DMD: variants seen among roughly 807,000 people sequenced by gnomAD.
DMD encodes mutant dystrophin.
A neutral mutation model predicts 330.1 loss-of-function variants in DMD; 63 were observed. The ratio of observed to expected loss-of-function variants is 0.19; its 90% CI spans 0.16 to 0.24. The LOEUF is 0.24. DMD is among the 10% of genes least tolerant of loss of function. The pLI is 1.00. For missense variants in DMD, 3,344 were observed against 2,684.1 expected (o/e 1.25, Z -5.43); for synonymous variants, 1,223 against 959.8 (o/e 1.27, Z -5.07).
chrX:33,178,681 G>C (rs773091180), intron 1 of DMD, among the ~76,000 whole-genome samples: 1 of 112,259 alleles, frequency 8.9e-6, no homozygotes, highest in Non-Finnish European at 1.9e-5. Context: ...TAATGCAAAC[G>C]TGTGGAATAG....
chrX:32,085,589 CAT>C (rs1212212689), intron 44 of DMD, among the ~76,000 whole-genome samples: 3 of 73,402 alleles, frequency 4.1e-5, no homozygotes, highest in South Asian at 5.9e-4. Context: ...TACACACACA[CAT>C]ATATGTATAT....
chrX:32,869,614 A>G (rs2082790928), intron 2 of DMD, among the ~76,000 whole-genome samples: 1 of 109,128 alleles, frequency 9.2e-6, no homozygotes, highest in African/African-American at 3.3e-5. Context: ...GCAAGTATCA[A>G]TAACCAAATA....
At chrX:33,269,968 A>G (rs1009763257) in intron 1 of DMD, among the ~76,000 whole-genome samples, 3 of 109,787 alleles carry the variant, frequency 2.7e-5, no homozygotes, top group Non-Finnish European at 5.7e-5. Context: ...ATATATATGT[A>G]TATATATATA....
intron 55 of DMD, among the ~76,000 whole-genome samples, chrX:31,551,405 C>T (rs762009432): frequency 9.1e-6 from 1 of 110,464 alleles, no homozygotes; most frequent in African/African-American, 3.3e-5. Flanking sequence ...GCCCATCTAC[C>T]ACCCCAAAGC....
chrX:31,197,210 C>G (rs1255619220), intron 67 of DMD, among the ~76,000 whole-genome samples: 2 of 111,504 alleles, frequency 1.8e-5, no homozygotes, highest in Admixed American at 1.9e-4. Context: ...CAGCAAATAG[C>G]AGAGCTCAGA....
At chrX:31,721,716 C>CTATATATA (rs1411207828) in intron 52 of DMD, among the ~76,000 whole-genome samples, 10 of 53,420 alleles carry the variant, frequency 1.9e-4, no homozygotes, top group Non-Finnish European at 2.7e-4. Context: ...CTCTCTCTCT[C>CTATATATA]TCTATATATA....
chrX:32,346,652 TAA>T (rs1569559134), intron 38 of DMD, among the ~76,000 whole-genome samples: 1 of 111,724 alleles, frequency 9.0e-6, no homozygotes, highest in Non-Finnish European at 1.9e-5. Flanking sequence ...AATCATGTGC[TAA>T]GTTACCATCA....
chrX:31,174,933 T>C (rs747969168), intron 71 of DMD, among the ~76,000 whole-genome samples: 2 of 111,511 alleles, frequency 1.8e-5, no homozygotes, highest in Admixed American at 1.9e-4. Flanking sequence ...AAATGAGTTA[T>C]AAAGACGTTT....
chrX:32,538,698 G>A (rs775973462), intron 17 of DMD, among the ~76,000 whole-genome samples: 2 of 111,497 alleles, frequency 1.8e-5, no homozygotes, highest in South Asian at 7.8e-4. Flanking sequence ...TAAATCAGTA[G>A]CAGCAGAATC....
intron 77 of DMD, among the ~76,000 whole-genome samples, chrX:31,132,835 C>G (rs1179689059): frequency 9.3e-6 from 1 of 107,812 alleles, no homozygotes; most frequent in Admixed American, 1.0e-4. Context: ...AAGGAGATAC[C>G]TAAGATAGTC....
chrX:31,718,162 C>T (rs1415536371), intron 52 of DMD, among the ~76,000 whole-genome samples: 1 of 111,747 alleles, frequency 8.9e-6, no homozygotes, highest in Non-Finnish European at 1.9e-5. Context: ...CAGAGCATTT[C>T]ATTTATTCAT....
At chrX:32,128,365 T>C (rs2096671862) in intron 44 of DMD, among the ~76,000 whole-genome samples, 1 of 112,118 alleles carries the variant, frequency 8.9e-6, no homozygotes, top group African/African-American at 3.2e-5. Flanking sequence ...TATATTTTCC[T>C]TTACATGCCT....
chrX:32,816,154 C>T (rs867268152), intron 6 of DMD, among the ~76,000 whole-genome samples: 1 of 111,415 alleles, frequency 9.0e-6, no homozygotes, highest in African/African-American at 3.3e-5. Context: ...ACACCATTCT[C>T]GGCAAAGTTA....
chrX:31,541,142 G>C (rs1468069111), intron 55 of DMD, among the ~76,000 whole-genome samples: 1 of 111,565 alleles, frequency 9.0e-6, no homozygotes, highest in East Asian at 2.8e-4. Flanking sequence ...CCGAGCAATT[G>C]AAATCAGGCT....
At chrX:31,622,589 T>A (rs995556446) in intron 55 of DMD, among the ~76,000 whole-genome samples, 1 of 109,782 alleles carries the variant, frequency 9.1e-6, no homozygotes, top group African/African-American at 3.3e-5. Context: ...CTCTTTGCTA[T>A]GTTAGGACAC....
chrX:32,615,925 C>A (rs755741106), intron 11 of DMD, among the ~76,000 whole-genome samples: 1 of 111,469 alleles, frequency 9.0e-6, no homozygotes, highest in East Asian at 2.8e-4. Context: ...TTCAGTATCT[C>A]TCCAAGGATT....
chrX:31,142,858 T>C (rs2036241111), intron 76 of DMD, among the ~76,000 whole-genome samples: 1 of 112,295 alleles, frequency 8.9e-6, no homozygotes, highest in South Asian at 3.7e-4. Context: ...CTGTACAGAA[T>C]ACAAATGGTA....
intron 41 of DMD, among the ~76,000 whole-genome samples, chrX:32,324,280 A>G (rs1344812965): frequency 2.7e-5 from 3 of 111,748 alleles, no homozygotes; most frequent in African/African-American, 9.7e-5. Flanking sequence ...AAATATTTGC[A>G]TAAGTTAAAA....
intron 5 of DMD, among the ~76,000 whole-genome samples, chrX:32,817,495 C>T (rs1403186774): frequency 8.9e-6 from 1 of 111,742 alleles, no homozygotes; most frequent in Non-Finnish European, 1.9e-5. Flanking sequence ...TGCAGTGACG[C>T]TTCATAGAAA....
Sources: allele counts gnomAD v4.1 joint callset (sites outside exome capture counted in the v4.1 genomes callset), GRCh38; gene constraint gnomAD v4.1.1; transcripts MANE v1.5; gene names NCBI Gene and HGNC (gene_info 2026-07-23, HGNC 2026-07-21).